The following DNAJB5 variants were observed in gnomAD, a reference collection of about 807,000 sequenced individuals.
DNAJB5 encodes DnaJ heat shock protein family (Hsp40) member B5.
DNAJB5 carries 12 observed loss-of-function variants against 32.6 expected under a neutral mutation model. The observed-to-expected ratio is 0.37, with a 90% CI of 0.24 to 0.60. The LOEUF is 0.60. Among genes scored for constraint, DNAJB5 ranks in the 20% least tolerant of loss-of-function variants. The pLI, the probability that DNAJB5 is intolerant of heterozygous loss-of-function variation, is 0.71. For synonymous variants in DNAJB5, 188 were observed against 212.9 expected (o/e 0.88, Z 1.02); for missense variants, 358 against 554.2 (o/e 0.65, Z 3.55).
rs754477968 is a variant in DNAJB5, at chr9:34,996,981, C to T, written c.1030-45C>T. 10 of 1,604,432 alleles carry T rather than the reference C, an allele frequency of 6.2e-6. No homozygotes were observed. The highest frequency in any genetic ancestry group is 7.6e-6 in the Non-Finnish European group (9 of 1,177,832). The stretch of plus-strand genomic sequence containing the variant: ...TCAGTCTATTTCCTTCCTTCCCACT[C>T]ACCTTACCCCACCTTTTCCTCACTT... On this transcript the variant is annotated intron_variant, in intron 4 of 4. Transcript: ENST00000682809. The surrounding 1 kb of genome is among the most constrained non-coding windows in gnomAD (Gnocchi z 7.2).
chr9:34,993,152 C>G lies in DNAJB5; in HGVS notation c.183-48C>G, dbSNP rs150248781. The stretch of plus-strand genomic sequence containing the variant: ...GATTGCAAGATCATCAGGAACAGGG[C>G]TGGGGCAGAAGAGAAGGCATCAAGT... On this transcript the variant is annotated intron_variant, in intron 2 of 4. Coordinates refer to ENST00000682809, the MANE Select transcript of DNAJB5 (RefSeq NM_001349723.3). This position sits in a 1 kb window ranked among gnomAD's most constrained non-coding sequence, Gnocchi z 4.7. The G allele has an allele frequency of 6.4e-7, 1 of 1,565,388 alleles. No homozygotes were observed. The highest frequency in any genetic ancestry group is 8.6e-7 in the Non-Finnish European group (1 of 1,157,982).
In DNAJB5 at chr9:34,992,948, G is replaced by C. The variant is rs1827694576; in HGVS notation, c.183-252G>C. 8.2e-6 allele frequency: 11 copies of C among 1,342,622 alleles called. No homozygotes were observed. The Admixed American group carries it at 3.4e-4, about 41-fold the overall frequency. 83.2% of individuals were successfully genotyped at this position (1,342,622 alleles called of 1,614,324 possible). A position where few individuals can be genotyped will look rare whatever the true frequency, so the allele number is the denominator to read the frequency against. ...GGGCCTCAGCCTAGCCCCAAGAGTG[G>C]GCCACAACCTTCAGCTTCCTGCTGG... On this transcript the variant is annotated intron_variant, in intron 2 of 4. Transcript: ENST00000682809.
chr9:34,991,671 C>CCCG (rs1554662719), intron 2 of DNAJB5: 3 of 227,556 alleles, frequency 1.3e-5, no homozygotes, highest in Non-Finnish European at 1.8e-5. Flanking sequence ...AACGGTTGCC[C>CCCG]CCCCCCCCAA....
At position 34,996,164 on chromosome 9, in the gene DNAJB5, C is replaced by G; in HGVS notation, c.428-101C>G. ...TCTCTGTGGGATTTAAAGGTTGCTT[C>G]TTTCTTTAAGCCTGTGAACTGGGAG... On this transcript the variant is annotated intron_variant, in intron 3 of 4. Transcript: ENST00000682809. The surrounding 1 kb of genome is among the most constrained non-coding windows in gnomAD (Gnocchi z 7.2). 1 of 1,479,488 alleles carries G rather than the reference C, an allele frequency of 6.8e-7. No individual in the cohort carries two copies. Among genetic ancestry groups the G allele is most frequent in the Non-Finnish European group, 9.0e-7 (1 of 1,113,122 alleles). The allele number at this position is 1,479,488 out of a possible 1,614,324, so 91.6% of individuals were successfully genotyped here.
chr9:34,991,425 C>A (rs1324100686), intron 2 of DNAJB5: 1 of 455,950 alleles, frequency 2.2e-6, no homozygotes, highest in Non-Finnish European at 4.4e-6. Context: ...AGGTGGGTAC[C>A]AGGGAGGAAG....
intron 2 of DNAJB5, chr9:34,992,678 T>G: frequency 1.7e-6 from 1 of 600,144 alleles, no homozygotes; most frequent in Non-Finnish European, 2.1e-6. Context: ...ACCCATTCCC[T>G]GACTCAGTCT....
chr9:34,996,949 C>A lies in DNAJB5; in HGVS notation c.1030-77C>A, dbSNP rs746447027. On this transcript the variant is annotated intron_variant, in intron 4 of 4. Transcript: ENST00000682809. The surrounding 1 kb of genome is among the most constrained non-coding windows in gnomAD (Gnocchi z 7.2). ...CTTCCCGCCAGCTGGCACATTCTTTCCCCACCTCAGTCTATTTCCTTCCTT... is the reference window on the plus strand; with the variant it reads ...CTTCCCGCCAGCTGGCACATTCTTTACCCACCTCAGTCTATTTCCTTCCTT... The A allele has an allele frequency of 1.6e-5, 26 of 1,591,058 alleles. No homozygotes were observed. Among genetic ancestry groups the A allele is most frequent in the Non-Finnish European group, 2.2e-5 (26 of 1,170,642 alleles).
rs1461856144 is a variant in DNAJB5, at chr9:34,997,437, T to C, written c.*178T>C. On this transcript the variant is annotated 3_prime_UTR_variant, in exon 5 of 5. Transcript: ENST00000682809. This position sits in a 1 kb window ranked among gnomAD's most constrained non-coding sequence, Gnocchi z 4.1. ...TGACCCCTTTTAGAGCTGGGCTGCC[T>C]GGGGGGAGTGGGAGGGAGGTGGGGA... The C allele has an allele frequency of 2.7e-6, 2 of 749,094 alleles. No homozygotes were observed. Among genetic ancestry groups the C allele is most frequent in the Non-Finnish European group, 4.7e-6 (2 of 429,310 alleles). The allele number at this position is 749,094 out of a possible 1,614,324, so 46.4% of individuals were successfully genotyped here.
In DNAJB5 at chr9:34,996,854, C is replaced by T. The variant is rs1315647201; in HGVS notation, c.1017C>T (p.Ile339=). 1 of 1,609,358 alleles carries T rather than the reference C, an allele frequency of 6.2e-7. No homozygotes were observed. The highest frequency in any genetic ancestry group is 2.2e-5 in the East Asian group (1 of 44,822). ...DGTNVLYSAL[I]SLKEALCGCT... is the part of the protein sequence containing the mutation. ...CCAACGTGCTCTACAGTGCCCTGATCAGCCTCAAGGAGGTGGGGCCTAGTC... is the reference window on the plus strand; with the variant it reads ...CCAACGTGCTCTACAGTGCCCTGATTAGCCTCAAGGAGGTGGGGCCTAGTC... The change falls in exon 4 of 5, where the codon ATC becomes ATT. Residue 339 remains isoleucine, a synonymous_variant. Transcript: ENST00000682809. The surrounding 1 kb of genome is among the most constrained non-coding windows in gnomAD (Gnocchi z 7.2).
At chr9:34,991,007 TATCC>T in intron 2 of DNAJB5, 195 bp downstream of exon 2, 3 of 615,164 alleles carry the variant, frequency 4.9e-6, no homozygotes, top group Non-Finnish European at 8.5e-6. Context: ...ACCCTTCAGG[TATCC>T]ATTTTCCACA....
Position 34,990,672 on chromosome 9 carries a change from A to T in DNAJB5, c.42A>T (p.Ala14=). Residue 14 remains alanine (A), a synonymous_variant, in exon 2 of 5, where the codon GCA becomes GCT. Coordinates refer to ENST00000682809, the MANE Select transcript of DNAJB5 (RefSeq NM_001349723.3). The surrounding 1 kb of genome is among the most constrained non-coding windows in gnomAD (Gnocchi z 4.5). ...TGCTCTCCTGCCCACCCCCAGCAGC[A>T]CCCCCACTGCAGGCCCGAGGAGCTT... ...RTVLSCPPPA[A]PPLQARGAFR... 2 of 1,551,218 alleles carry T rather than the reference A, an allele frequency of 1.3e-6. No homozygotes were observed. The highest frequency in any genetic ancestry group is 1.2e-5 in the South Asian group (1 of 84,026).
rs1554662730 is a variant in DNAJB5 at position 34,991,673 on chromosome 9, C to CCCG, written c.182+863_182+864insGCC. On this transcript the variant is annotated intron_variant, in intron 2 of 4. Transcript: ENST00000682809. ...TGCCATTTCCGAAAACGGTTGCCCC[C>CCCG]CCCCCCAACGAGGTGCTCTTTCTTC... The CCCG allele has an allele frequency of 5.9e-5, 14 of 236,752 alleles. 1 individual carries two copies. The highest frequency in any genetic ancestry group is 4.0e-4 in the Admixed American group (7 of 17,568). The allele number at this position is 236,752 out of a possible 1,614,324, so 14.7% of individuals were successfully genotyped here.
chr9:34,996,220 G>A lies in DNAJB5; in HGVS notation c.428-45G>A, dbSNP rs181955564. 2.7e-5 allele frequency: 43 copies of A among 1,573,054 alleles called. No individual in the cohort carries two copies. The highest frequency in any genetic ancestry group is 1.2e-4 in the Admixed American group (7 of 56,184). ...GGGCAGGGGGAAGACACTGGGATTG[G>A]GGCCAGAATAAGCCACACTGCCCCT... On this transcript the variant is annotated intron_variant, in intron 3 of 4. Coordinates refer to ENST00000682809, the MANE Select transcript of DNAJB5 (RefSeq NM_001349723.3). The surrounding 1 kb of genome is among the most constrained non-coding windows in gnomAD (Gnocchi z 7.2).
chr9:34,992,626 C>T (rs1024092441), intron 2 of DNAJB5: 2 of 184,580 alleles, frequency 1.1e-5, no homozygotes, highest in South Asian at 1.9e-4. Context: ...GGGGTGGGGG[C>T]GGGGAGGCCT....
At chr9:34,989,925 G>A in intron 1 of DNAJB5, 94 bp downstream of exon 1, 2 of 1,248,184 alleles carry the variant, frequency 1.6e-6, no homozygotes, top group Non-Finnish European at 2.0e-6. Context: ...CTGAGGGCCC[G>A]TAGGCTCTGC....
Position 34,989,769 on chromosome 9 carries a change from G to A in DNAJB5, c.-195G>A, listed in dbSNP as rs1441804821. 1 of 1,231,372 alleles carries A rather than the reference G, an allele frequency of 8.1e-7. No individual in the cohort carries two copies. The highest frequency in any genetic ancestry group is 1.0e-6 in the Non-Finnish European group (1 of 987,594). The allele number at this position is 1,231,372 out of a possible 1,614,324, so 76.3% of individuals were successfully genotyped here. ...TGTCCCGGGTGGAGGCGGCGGAGCC[G>A]GAGCCGGGGGAGGGGGCAGCGGCTG... On this transcript the variant is annotated 5_prime_UTR_variant, in exon 1 of 5. Transcript: ENST00000682809.
At position 34,996,203 on chromosome 9, in the gene DNAJB5, G is replaced by T; in HGVS notation, c.428-62G>T. The T allele has an allele frequency of 2.6e-6, 4 of 1,558,752 alleles. No homozygotes were observed. Among genetic ancestry groups the T allele is most frequent in the Non-Finnish European group, 3.5e-6 (4 of 1,152,660 alleles). On this transcript the variant is annotated intron_variant, in intron 3 of 4. Transcript: ENST00000682809. This position sits in a 1 kb window ranked among gnomAD's most constrained non-coding sequence, Gnocchi z 7.2. ...GTGAACTGGGAGCTAGAGGGCAGGG[G>T]GAAGACACTGGGATTGGGGCCAGAA...
chr9:34,992,782 GT>G, intron 2 of DNAJB5: 1 of 1,010,752 alleles, frequency 9.9e-7, no homozygotes, highest in Non-Finnish European at 1.2e-6. Context: ...TGCCTGAGGC[GT>G]GGCGTAGGAG....
chr9:34,996,265 G>A lies in DNAJB5; in HGVS notation c.428G>A (p.Gly143Asp). The change falls in exon 4 of 5, where the codon GGC becomes GAC. Residue 143 changes from glycine to aspartate, a missense_variant and splice_region_variant. Transcript: ENST00000682809. This position sits in a 1 kb window ranked among gnomAD's most constrained non-coding sequence, Gnocchi z 7.2. The part of the protein sequence containing the change: ...RGLYDQYGEE[G>D]LKTGGGTSGG... ...GCCCCTAACTTCTCCTCCCCTCTAG[G>A]CCTGAAGACCGGCGGTGGCACATCA... 6.2e-7 allele frequency: 1 copy of A among 1,612,872 alleles called. No individual in the cohort carries two copies. Among genetic ancestry groups the A allele is most frequent in the Non-Finnish European group, 8.5e-7 (1 of 1,179,246 alleles).
Sources: gnomAD v4.1 joint callset for allele counts on GRCh38, gnomAD v4.1.1 for gene constraint, Gnocchi (gnomAD v3.1) non-coding constraint, MANE v1.5 for transcripts, NCBI Gene and HGNC (gene_info 2026-07-23, HGNC 2026-07-21) for gene names.